The following CD5L variants were observed in gnomAD, a reference collection of about 807,000 sequenced individuals.
The protein encoded by CD5L is CD5 molecule like.
A neutral mutation model predicts 40.8 loss-of-function variants in CD5L; 39 were observed. That is an observed-to-expected ratio of 0.96 (90% CI 0.74 to 1.25). CD5L has a LOEUF of 1.25. CD5L is among the 50% of genes most tolerant of loss of function. The pLI is 0.00. For missense variants in CD5L, 433 were observed against 435.9 expected, an observed-to-expected ratio of 0.99 and a Z score of 0.06; for synonymous variants, 192 against 169.6, an observed-to-expected ratio of 1.13 and a Z score of -1.03.
Position 157,831,845 on chromosome 1 carries a change from G to A in CD5L, c.*119C>T, listed in dbSNP as rs910792987. 30 of 1,454,890 alleles carry A rather than the reference G, an allele frequency of 2.1e-5. No homozygotes were observed. Among genetic ancestry groups the A allele is most frequent in the Admixed American group, 1.5e-4 (6 of 38,808 alleles). The allele number at this position is 1,454,890 out of a possible 1,614,324, so 90.1% of individuals were successfully genotyped here. On this transcript the variant is annotated 3_prime_UTR_variant, in exon 6 of 6. Coordinates refer to ENST00000368174, the MANE Select transcript of CD5L (RefSeq NM_005894.3). ...AGCCCAGTGTTCAGACTCCTGAGGGGATGAGGGAGTAGTGGCTCAAGCCTG... is the reference window on the plus strand; with the variant it reads ...AGCCCAGTGTTCAGACTCCTGAGGGAATGAGGGAGTAGTGGCTCAAGCCTG...
chr1:157,833,191 C>A lies in CD5L; in HGVS notation c.1039+1G>T. ...TTATGAACTCCATCTGTAGGACTCACCTGAGCAGATGACAGCCACATCTTC... is the reference window on the plus strand; with the variant it reads ...TTATGAACTCCATCTGTAGGACTCAACTGAGCAGATGACAGCCACATCTTC... On this transcript the variant is annotated splice_donor_variant, in intron 5 of 5. Transcript: ENST00000368174. LOFTEE classifies it high-confidence loss of function. 1 of 1,609,954 alleles carries A rather than the reference C, an allele frequency of 6.2e-7. No individual in the cohort carries two copies. Among genetic ancestry groups the A allele is most frequent in the Non-Finnish European group, 8.5e-7 (1 of 1,177,122 alleles).
chr1:157,840,197 A>G (rs183866737), intron 1 of CD5L, among the ~76,000 whole-genome samples: 37 of 152,270 alleles, frequency 2.4e-4, no homozygotes, highest in African/African-American at 8.7e-4. Flanking sequence ...CTCTATATGT[A>G]GTTCCAAACC....
In CD5L at chr1:157,831,729, A is replaced by G; in HGVS notation, c.*235T>C. The G allele has an allele frequency of 1.6e-6, 2 of 1,271,862 alleles. No individual in the cohort carries two copies. The highest frequency in any genetic ancestry group is 2.0e-6 in the Non-Finnish European group (2 of 1,007,946). The allele number at this position is 1,271,862 out of a possible 1,614,324, so 78.8% of individuals were successfully genotyped here. A position where few individuals can be genotyped will look rare whatever the true frequency, so the allele number is the denominator to read the frequency against. On this transcript the variant is annotated 3_prime_UTR_variant, in exon 6 of 6. Coordinates refer to ENST00000368174, the MANE Select transcript of CD5L (RefSeq NM_005894.3). The stretch of plus-strand genomic sequence containing the variant: ...AGGGTCAGGGTTGAGCACAGGATAC[A>G]TGGAAGCTCATCTTCCCCAGCAAGA...
Position 157,834,738 on chromosome 1 carries a change from G to A in CD5L, c.387C>T (p.Ser129=), listed in dbSNP as rs759109892. ...CACCCTCTGGGACTGGGGAGAAAGA[G>A]CTCTCTGGGTCTGAGGGGAAAGAAA... ...DAGASCENPE[S]SFSPVPEGVR... Residue 129 remains serine (S), a synonymous_variant, in exon 4 of 6, where the codon AGC becomes AGT. Coordinates refer to ENST00000368174, the MANE Select transcript of CD5L (RefSeq NM_005894.3). The A allele has an allele frequency of 1.2e-6, 2 of 1,612,906 alleles. No individual in the cohort carries two copies. Among genetic ancestry groups the A allele is most frequent in the East Asian group, 2.2e-5 (1 of 44,852 alleles).
At chr1:157,827,903 A>G (rs1655945264), downstream of CD5L, among the ~76,000 whole-genome samples, 1 of 152,222 alleles carries the variant, frequency 6.6e-6, no homozygotes, top group Non-Finnish European at 1.5e-5. Context: ...TTCCCATAGT[A>G]GAGTAGTTAA....
chr1:157,841,666 A>G lies in CD5L; in HGVS notation c.28+8T>C, dbSNP rs1376496470. On this transcript the variant is annotated splice_region_variant and intron_variant, in intron 1 of 5. Coordinates refer to ENST00000368174, the MANE Select transcript of CD5L (RefSeq NM_005894.3). ...GAAGCCTAAACCAACAGGTGCAGAGATACTCACCAAGGATCAAGGAGAATA... is the reference window on the plus strand; with the variant it reads ...GAAGCCTAAACCAACAGGTGCAGAGGTACTCACCAAGGATCAAGGAGAATA... The G allele has an allele frequency of 5.6e-6, 9 of 1,612,868 alleles. No individual in the cohort carries two copies. The highest frequency in any genetic ancestry group is 7.6e-6 in the Non-Finnish European group (9 of 1,179,482).
chr1:157,836,311 G>A (rs553833627), intron 2 of CD5L, among the ~76,000 whole-genome samples, 156 bp from the exon 3 acceptor site: 2 of 152,280 alleles, frequency 1.3e-5, no homozygotes, highest in South Asian at 2.1e-4. Flanking sequence ...AGGAAGAGGA[G>A]CTTCAGAACT....
chr1:157,839,127 C>T (rs773522999), intron 2 of CD5L, among the ~76,000 whole-genome samples: 2 of 152,224 alleles, frequency 1.3e-5, no homozygotes, highest in Non-Finnish European at 2.9e-5. Context: ...GAACCCAGCT[C>T]TTACTTGGAT....
At chr1:157,837,709 A>G (rs1432542465) in intron 2 of CD5L, among the ~76,000 whole-genome samples, 3 of 152,122 alleles carry the variant, frequency 2.0e-5, no homozygotes, top group Admixed American at 6.5e-5. Flanking sequence ...CTGCACACAA[A>G]GTCCCCAGAG....
chr1:157,831,830 T>A lies in CD5L; in HGVS notation c.*134A>T, dbSNP rs2101935192. ...TGAGAGTAAGGCATAAGCCCAGTGT[T>A]CAGACTCCTGAGGGGATGAGGGAGT... On this transcript the variant is annotated 3_prime_UTR_variant, in exon 6 of 6. Transcript: ENST00000368174. 7.1e-7 allele frequency: 1 copy of A among 1,416,818 alleles called. No individual in the cohort carries two copies. The highest frequency in any genetic ancestry group is 2.6e-5 in the East Asian group (1 of 38,682). The allele number at this position is 1,416,818 out of a possible 1,614,324, so 87.8% of individuals were successfully genotyped here.
chr1:157,833,889 G>A (rs1026422708), intron 4 of CD5L, among the ~76,000 whole-genome samples: 1 of 151,440 alleles, frequency 6.6e-6, no homozygotes. Flanking sequence ...GGTATTATAG[G>A]CATGAGCCAC....
chr1:157,831,861 C>T lies in CD5L; in HGVS notation c.*103G>A. 1 of 1,474,002 alleles carries T rather than the reference C, an allele frequency of 6.8e-7. No homozygotes were observed. Among genetic ancestry groups the T allele is most frequent in the Non-Finnish European group, 9.0e-7 (1 of 1,116,770 alleles). 91.3% of individuals were successfully genotyped at this position (1,474,002 alleles called of 1,614,324 possible). A position where few individuals can be genotyped will look rare whatever the true frequency, so the allele number is the denominator to read the frequency against. The stretch of plus-strand genomic sequence containing the variant: ...TCCTGAGGGGATGAGGGAGTAGTGG[C>T]TCAAGCCTGAGCCCCAGAATGAGTA... On this transcript the variant is annotated 3_prime_UTR_variant, in exon 6 of 6. Transcript: ENST00000368174.
rs770020631 is a variant in CD5L, at chr1:157,833,510, G to C, written c.721C>G (p.Pro241Ala). 1.4e-5 allele frequency: 23 copies of C among 1,601,552 alleles called. No individual in the cohort carries two copies. The highest frequency in any genetic ancestry group is 2.0e-5 in the Non-Finnish European group (23 of 1,170,448). ...CCTCCTACTAGTCTCAAGTCAAAGG[G>C]ATCTGCAGGATGGGGGAGGAAGTCA... ...DEDTWVECED[P>A]FDLRLVGGDN... Residue 241 changes from proline (P) to alanine (A), a missense_variant and splice_region_variant, in exon 5 of 6, where the codon CCC becomes GCC. Physicochemically the swap from Pro to Ala is conservative, Grantham distance 27 (BLOSUM62 -1). Transcript: ENST00000368174.
At chr1:157,828,145 T>C (rs920125265), downstream of CD5L, among the ~76,000 whole-genome samples, 3 of 152,116 alleles carry the variant, frequency 2.0e-5, no homozygotes, top group African/African-American at 7.2e-5. Context: ...CTGGGTTCTA[T>C]GTGGAGCAAC....
At chr1:157,828,309 C>T (rs941472233), downstream of CD5L, among the ~76,000 whole-genome samples, 4 of 152,134 alleles carry the variant, frequency 2.6e-5, no homozygotes, top group African/African-American at 7.2e-5. Flanking sequence ...CAATACATAC[C>T]TCCTTCTTGA....
downstream of CD5L, among the ~76,000 whole-genome samples, chr1:157,830,539 C>T (rs919658150): frequency 2.0e-5 from 3 of 152,150 alleles, no homozygotes; most frequent in Non-Finnish European, 4.4e-5. Context: ...CTGTCTTTCC[C>T]TGATGATTGA....
At chr1:157,839,468 A>G (rs1341243954) in intron 1 of CD5L, 58 bp from the exon 2 acceptor site, 24 of 1,581,080 alleles carry the variant, frequency 1.5e-5, no homozygotes, top group Non-Finnish European at 2.0e-5. Flanking sequence ...TTCAAAGAAC[A>G]CAACTCTAGA....
Position 157,835,884 on chromosome 1 carries a change from T to A in CD5L, c.327A>T (p.Glu109Asp). The A allele has an allele frequency of 6.2e-7, 1 of 1,614,198 alleles. No individual in the cohort carries two copies. Residue 109 changes from glutamate to aspartate, a missense_variant, in exon 3 of 6, where the codon GAA becomes GAT. Glu to Asp is a conservative substitution (Grantham distance 45). Coordinates refer to ENST00000368174, the MANE Select transcript of CD5L (RefSeq NM_005894.3). ...TEDTLAQCEQ[E>D]EVYDCSHDED... ...CATCATGTGAACAATCATAAACTTC[T>A]TCTTGCTCACACTGAGCCAATGTAT...
intron 1 of CD5L, among the ~76,000 whole-genome samples, chr1:157,841,361 G>A (rs1037425948): frequency 3.9e-5 from 6 of 152,082 alleles, no homozygotes; most frequent in Non-Finnish European, 8.8e-5. Flanking sequence ...GCTGCTGCCC[G>A]GTGCCCATTC....
Sources: allele counts gnomAD v4.1 joint callset (sites outside exome capture counted in the v4.1 genomes callset), GRCh38; gene constraint gnomAD v4.1.1; transcripts MANE v1.5; gene names NCBI Gene and HGNC (gene_info 2026-07-23, HGNC 2026-07-21).